Variants in ZFP2 observed in about 807,000 individuals in gnomAD.
ZFP2 encodes the protein zinc finger protein ZFP2.
A neutral mutation model predicts 36.1 loss-of-function variants in ZFP2; 33 were observed. The observed-to-expected ratio is 0.92, with a 90% CI of 0.69 to 1.22. The LOEUF (loss-of-function observed/expected upper bound fraction) is 1.22. ZFP2 is among the 50% of genes most tolerant of loss of function. The pLI is 0.00. For synonymous variants in ZFP2, 170 were observed against 178.0 expected, an observed-to-expected ratio of 0.96 and a Z score of 0.36; for missense variants, 522 against 551.4, an observed-to-expected ratio of 0.95 and a Z score of 0.53.
At chr5:178,896,958 G>A (rs969483780) in intron 1 of ZFP2, among the ~76,000 whole-genome samples, 13 of 151,886 alleles carry the variant, frequency 8.6e-5, no homozygotes, top group Non-Finnish European at 2.9e-5. Context: ...ATAGAGCTAC[G>A]TCATTTTAAT....
chr5:178,902,467 G>A (rs936115624), intron 1 of ZFP2, among the ~76,000 whole-genome samples: 3 of 152,086 alleles, frequency 2.0e-5, no homozygotes, highest in South Asian at 2.1e-4. Context: ...TTTAGCTGTC[G>A]TATCTCCTTG....
At position 178,932,049 on chromosome 5, in the gene ZFP2, GAATGTGGAA is replaced by G. The variant is rs1210130061; in HGVS notation, c.739_747del (p.Cys247_Lys249del). 3.7e-6 allele frequency: 6 copies of G among 1,613,962 alleles called. No homozygotes were observed. The highest frequency in any genetic ancestry group is 5.1e-6 in the Non-Finnish European group (6 of 1,180,030). ...AGGAGAAAAACCCTATGAATGTAATGAATGTGGAAAAGCCTTCAGTCAAAGCATGCATCT... is the reference window on the plus strand; with the variant it reads ...AGGAGAAAAACCCTATGAATGTAATGAAGCCTTCAGTCAAAGCATGCATCT... On this transcript the variant is annotated inframe_deletion, in exon 5 of 5. Coordinates refer to ENST00000361362, the MANE Select transcript of ZFP2 (RefSeq NM_030613.4).
intron 4 of ZFP2, among the ~76,000 whole-genome samples, chr5:178,918,500 C>T (rs901917380): frequency 2.4e-4 from 37 of 152,334 alleles, no homozygotes; most frequent in African/African-American, 8.7e-4. Context: ...AAGCTCCCAG[C>T]CTCTGCTATG....
At chr5:178,929,473 A>C (rs1758772617) in intron 4 of ZFP2, among the ~76,000 whole-genome samples, 1 of 152,110 alleles carries the variant, frequency 6.6e-6, no homozygotes, top group African/African-American at 2.4e-5. Context: ...GCCCTCAATC[A>C]CCATTCTCTC....
intron 1 of ZFP2, among the ~76,000 whole-genome samples, chr5:178,906,478 T>C (rs1758169012): frequency 6.6e-6 from 1 of 152,314 alleles, no homozygotes; most frequent in South Asian, 2.1e-4. Flanking sequence ...TTTTAAACTT[T>C]TTGGTTTCTG....
chr5:178,927,274 G>A (rs952241443), intron 4 of ZFP2, among the ~76,000 whole-genome samples: 1 of 152,158 alleles, frequency 6.6e-6, no homozygotes, highest in Non-Finnish European at 1.5e-5. Context: ...CCTTAGGACT[G>A]TCTTACCCCT....
At chr5:178,911,089 A>G (rs531601314) in intron 1 of ZFP2, among the ~76,000 whole-genome samples, 2 of 152,296 alleles carry the variant, frequency 1.3e-5, no homozygotes, top group African/African-American at 4.8e-5. Context: ...TAAAATGGAA[A>G]TTCTGCACTT....
At chr5:178,909,941 G>A (rs1170885162) in intron 1 of ZFP2, 1 of 1,437,006 alleles carries the variant, frequency 7.0e-7, no homozygotes, top group Non-Finnish European at 9.8e-7. Context: ...TCTCTGTTAG[G>A]AAGTTCAGCC....
intron 4 of ZFP2, among the ~76,000 whole-genome samples, chr5:178,929,747 A>G (rs1758776614): frequency 6.6e-6 from 1 of 152,156 alleles, no homozygotes; most frequent in African/African-American, 2.4e-5. Context: ...CCTGTTACCC[A>G]GTTATTCCAA....
At position 178,922,064 on chromosome 5, in the gene ZFP2, A is replaced by G. The variant is rs986121455; in HGVS notation, c.-78+5354A>G. The G allele has an allele frequency of 7.8e-6, 7 of 895,524 alleles. No individual in the cohort carries two copies. The African/African-American group carries it at 8.0e-5, about 10-fold the overall frequency. 55.5% of individuals were successfully genotyped at this position (895,524 alleles called of 1,614,324 possible). ...TCAGCTAGCCACCCAAGAAAACATC[A>G]TGAAAGATACCGATATCAAGAGACT... On this transcript the variant is annotated intron_variant, in intron 4 of 4. Coordinates refer to ENST00000361362, the MANE Select transcript of ZFP2 (RefSeq NM_030613.4).
At position 178,895,974 on chromosome 5, in the gene ZFP2, G is replaced by A. The variant is rs940171776; in HGVS notation, c.-450G>A. 1 of 152,456 alleles carries A rather than the reference G, an allele frequency of 6.6e-6. No individual in the cohort carries two copies. Among genetic ancestry groups the A allele is most frequent in the African/African-American group, 2.4e-5 (1 of 41,476 alleles). 9.4% of individuals were successfully genotyped at this position (152,456 alleles called of 1,614,324 possible). On this transcript the variant is annotated splice_region_variant and 5_prime_UTR_variant, in exon 1 of 5. Transcript: ENST00000361362. ...GCTGCTCCCGCTCCTGCTGGGAGAGGGTGAGTGCGGGGCCGGTGGCGGGGG... is the reference window on the plus strand; with the variant it reads ...GCTGCTCCCGCTCCTGCTGGGAGAGAGTGAGTGCGGGGCCGGTGGCGGGGG...
At position 178,898,492 on chromosome 5, in the gene ZFP2, C is replaced by T. The variant is rs532620873; in HGVS notation, c.-450+2518C>T. Among the ~76,000 whole-genome samples the T allele has an allele frequency of 3.9e-5, 6 of 152,298 alleles. No individual in the cohort carries two copies. The South Asian group carries it at 1.2e-3, about 32-fold the overall frequency. On this transcript the variant is annotated intron_variant, in intron 1 of 4. Coordinates refer to ENST00000361362, the MANE Select transcript of ZFP2 (RefSeq NM_030613.4). Reference sequence around the variant, plus strand: ...ATCATTTTCTTTATGTAGCTACTATCCAGGTCTTATTTAGTTTATTTATAG... The same window carrying T: ...ATCATTTTCTTTATGTAGCTACTATTCAGGTCTTATTTAGTTTATTTATAG...
chr5:178,910,035 CCTT>C (rs2113076387), intron 1 of ZFP2: 23 of 1,454,798 alleles, frequency 1.6e-5, no homozygotes, highest in Non-Finnish European at 2.1e-5. Context: ...TGACCACTGC[CCTT>C]CTTCAGAGTC....
At chr5:178,898,095 T>C (rs1018556724) in intron 1 of ZFP2, among the ~76,000 whole-genome samples, 19 of 152,160 alleles carry the variant, frequency 1.2e-4, no homozygotes, top group African/African-American at 4.6e-4. Context: ...TTCAAGTGAT[T>C]CTCCTGCCTC....
chr5:178,912,557 C>A, intron 1 of ZFP2, 27 bp from the exon 2 acceptor site: 1 of 743,708 alleles, frequency 1.3e-6, no homozygotes, highest in Non-Finnish European at 1.6e-6. Context: ...GTTTGGTTGG[C>A]ATAATCCCTT....
chr5:178,897,594 AT>A (rs1462995123), intron 1 of ZFP2, among the ~76,000 whole-genome samples: 1 of 151,982 alleles, frequency 6.6e-6, no homozygotes, highest in Admixed American at 6.6e-5. Context: ...TTACTTAGTA[AT>A]TTTTTCTTCG....
chr5:178,909,985 A>G, intron 1 of ZFP2: 1 of 1,409,702 alleles, frequency 7.1e-7, no homozygotes. Flanking sequence ...TTCTGGGTAG[A>G]GACTAGTTTC....
chr5:178,899,873 C>T (rs1337098109), intron 1 of ZFP2, among the ~76,000 whole-genome samples: 3 of 151,508 alleles, frequency 2.0e-5, no homozygotes, highest in Admixed American at 6.6e-5. Flanking sequence ...TATTAGGGGT[C>T]GTTGATTTAT....
At chr5:178,910,669 C>G (rs538141361) in intron 1 of ZFP2, 3 of 358,236 alleles carry the variant, frequency 8.4e-6, no homozygotes, top group Non-Finnish European at 1.6e-5. Context: ...TGCCGCTGGC[C>G]CATGCACCTC....
Sources: gnomAD v4.1 joint callset for allele counts (sites outside exome capture counted in the v4.1 genomes callset) on GRCh38, gnomAD v4.1.1 for gene constraint, MANE v1.5 for transcripts, NCBI Gene and HGNC (gene_info 2026-07-23, HGNC 2026-07-21) for gene names.